Variants in ZNF737 observed in about 807,000 individuals in gnomAD.
ZNF737 encodes zinc finger protein 102 (Y3).
A neutral mutation model predicts 11.7 loss-of-function variants in ZNF737; 13 were observed. That is an observed-to-expected ratio of 1.11 (90% CI 0.73 to 1.77). The LOEUF is 1.77. Among genes scored for constraint, ZNF737 ranks in the 40% most tolerant of loss-of-function variants. ZNF737 has a pLI of 0.00. For missense variants in ZNF737, 636 were observed against 638.0 expected (o/e 1.00, Z 0.03); for synonymous variants, 217 against 216.2 (o/e 1.00, Z -0.03).
chr19:20,535,846 G>A (rs1555753729), downstream of ZNF737: 1 of 126,714 alleles, frequency 7.9e-6, no homozygotes, highest in Non-Finnish European at 1.6e-5. Context: ...CTATTTCTAT[G>A]TAAAGTGTAA....
intron 1 of ZNF737, among the ~76,000 whole-genome samples, chr19:20,561,702 C>G (rs1295327755): frequency 1.3e-5 from 2 of 150,788 alleles, no homozygotes. Context: ...AATTCTGACA[C>G]CACCGAGAGT....
intron 3 of ZNF737, 143 bp downstream of exon 3, chr19:20,552,332 G>GA (rs58829785): frequency 0.063 from 21,176 of 335,658 alleles, 1 homozygote; most frequent in Non-Finnish European, 0.076. Flanking sequence ...ATTTAAAAAA[G>GA]AAAAAAAAAA....
chr19:20,531,810 T>C (rs1967835477), downstream of ZNF737, among the ~76,000 whole-genome samples: 2 of 150,094 alleles, frequency 1.3e-5, no homozygotes, highest in South Asian at 4.3e-4. Context: ...ATACAAAGAT[T>C]GACACATCTA....
intron 3 of ZNF737, among the ~76,000 whole-genome samples, chr19:20,547,914 G>C (rs1409381929): frequency 6.6e-6 from 1 of 152,094 alleles, no homozygotes; most frequent in Non-Finnish European, 1.5e-5. Flanking sequence ...AGTTTGGGAG[G>C]CTGAGGTGGG....
At chr19:20,550,764 G>A (rs1968632134) in intron 3 of ZNF737, among the ~76,000 whole-genome samples, 1 of 152,216 alleles carries the variant, frequency 6.6e-6, no homozygotes, top group Non-Finnish European at 1.5e-5. Context: ...CTCTAAGGGA[G>A]ATTTGAGAGC....
intron 3 of ZNF737, among the ~76,000 whole-genome samples, chr19:20,547,420 A>G (rs1163316367): frequency 6.6e-6 from 1 of 151,814 alleles, no homozygotes; most frequent in Non-Finnish European, 1.5e-5. Flanking sequence ...ACAGTAACAT[A>G]AACAATGTGA....
downstream of ZNF737, among the ~76,000 whole-genome samples, chr19:20,533,353 T>A (rs561054948): frequency 6.7e-6 from 1 of 149,922 alleles, no homozygotes; most frequent in African/African-American, 2.5e-5. Flanking sequence ...TACTTCCACA[T>A]TCAATGTCTT....
At chr19:20,551,092 C>T (rs1204563637) in intron 3 of ZNF737, 5 of 152,278 alleles carry the variant, frequency 3.3e-5, no homozygotes, top group South Asian at 2.1e-4. Context: ...GTTTCGGTTA[C>T]CTGAGCCACA....
At position 20,538,807 on chromosome 19, in the gene ZNF737, C is replaced by T. The variant is rs73924680; in HGVS notation, c.*5785G>A. On this transcript the variant is annotated 3_prime_UTR_variant, in exon 4 of 4. Coordinates refer to ENST00000427401, the MANE Select transcript of ZNF737 (RefSeq NM_001159293.2). Reference sequence around the variant, plus strand: ...GTTATTTGCATAGCTAGATAATTACCAACTTTAGTCATACTATTTTTTAGC... The same window carrying T: ...GTTATTTGCATAGCTAGATAATTACTAACTTTAGTCATACTATTTTTTAGC... 1,803 of 985,238 alleles carry T rather than the reference C, an allele frequency of 1.8e-3. 25 individuals are homozygous for T. In the African/African-American group the frequency reaches 0.03, roughly 16 times the overall value. The allele number at this position is 985,238 out of a possible 1,614,324, so 61.0% of individuals were successfully genotyped here. A position where few individuals can be genotyped will look rare whatever the true frequency, so the allele number is the denominator to read the frequency against.
Position 20,544,553 on chromosome 19 carries a change from A to G in ZNF737, c.*39T>C. ...ATGAATTTTCTTATGTGAAAAAAGCATAGTGGGATAGCTTAAAGCTTTGCC... is the reference window on the plus strand; with the variant it reads ...ATGAATTTTCTTATGTGAAAAAAGCGTAGTGGGATAGCTTAAAGCTTTGCC... On this transcript the variant is annotated 3_prime_UTR_variant, in exon 4 of 4. Coordinates refer to ENST00000427401, the MANE Select transcript of ZNF737 (RefSeq NM_001159293.2). The G allele has an allele frequency of 1.9e-6, 3 of 1,554,920 alleles. No homozygotes were observed. Among genetic ancestry groups the G allele is most frequent in the Non-Finnish European group, 2.6e-6 (3 of 1,156,356 alleles).
At chr19:20,548,676 CA>C (rs1286813546) in intron 3 of ZNF737, among the ~76,000 whole-genome samples, 6 of 151,640 alleles carry the variant, frequency 4.0e-5, no homozygotes, top group Non-Finnish European at 8.8e-5. Flanking sequence ...TGTAGTTGTA[CA>C]ATTTTGACTT....
downstream of ZNF737, among the ~76,000 whole-genome samples, chr19:20,534,097 TC>T (rs1967894336): frequency 6.7e-6 from 1 of 149,826 alleles, no homozygotes; most frequent in East Asian, 2.0e-4. Flanking sequence ...CTGCTTGGAA[TC>T]CCCTAATTGG....
At position 20,545,079 on chromosome 19, in the gene ZNF737, C is replaced by T; in HGVS notation, c.1124G>A (p.Gly375Asp). Residue 375 changes from glycine to aspartate, a missense_variant, in exon 4 of 4, where the codon GGC (glycine) becomes GAC (aspartate). Physicochemically the swap from Gly to Asp is moderately conservative, Grantham distance 94. Coordinates refer to ENST00000427401, the MANE Select transcript of ZNF737 (RefSeq NM_001159293.2). The part of the protein sequence containing the change: ...GEKPYKCEEC[G>D]KAFNWSSHLT... ...GTGTGAGGACCAGTTGAAGGCTTTG[C>T]CACATTCTTCACATTTGTAGGGTTT... 1.2e-6 allele frequency: 2 copies of T among 1,612,596 alleles called. No individual in the cohort carries two copies. Among genetic ancestry groups the T allele is most frequent in the South Asian group, 2.2e-5 (2 of 90,844 alleles).
chr19:20,552,658 ATAT>A (rs1343220089), intron 2 of ZNF737, 88 bp from the exon 3 acceptor site: 22 of 809,444 alleles, frequency 2.7e-5, no homozygotes, highest in East Asian at 3.4e-5. Flanking sequence ...ATGTAATAAA[ATAT>A]TATAGTAAAT....
In ZNF737 at chr19:20,538,025, A is replaced by T. The variant is rs1968048777; in HGVS notation, c.*6567T>A. ...ATAACATTTTATTATCATATGGAAGAAGTGTATTAACCATGTTTTCAGTAA... is the reference window on the plus strand; with the variant it reads ...ATAACATTTTATTATCATATGGAAGTAGTGTATTAACCATGTTTTCAGTAA... On this transcript the variant is annotated 3_prime_UTR_variant, in exon 4 of 4. Transcript: ENST00000427401. The T allele has an allele frequency of 1.0e-6, 1 of 977,618 alleles. No individual in the cohort carries two copies. Among genetic ancestry groups the T allele is most frequent in the Non-Finnish European group, 1.2e-6 (1 of 822,880 alleles). The allele number at this position is 977,618 out of a possible 1,614,324, so 60.6% of individuals were successfully genotyped here.
downstream of ZNF737, among the ~76,000 whole-genome samples, chr19:20,535,296 A>G (rs1286557399): frequency 1.1e-4 from 16 of 152,088 alleles, no homozygotes; most frequent in Non-Finnish European, 1.5e-5. Flanking sequence ...CAAAACAACA[A>G]CAAAATAAAA....
downstream of ZNF737, among the ~76,000 whole-genome samples, chr19:20,533,208 T>C (rs571927199): frequency 2.0e-5 from 3 of 150,166 alleles, no homozygotes; most frequent in African/African-American, 7.4e-5. Context: ...CCTTTGAATA[T>C]ATTAAGTGCA....
chr19:20,561,512 G>A (rs1159078160), intron 1 of ZNF737, among the ~76,000 whole-genome samples: 1 of 151,914 alleles, frequency 6.6e-6, no homozygotes. Context: ...GAGAAGACCT[G>A]GAATCACAGG....
downstream of ZNF737, among the ~76,000 whole-genome samples, chr19:20,531,034 C>T (rs189564180): frequency 0.11 from 16,755 of 146,730 alleles, 1,753 homozygotes; most frequent in Non-Finnish European, 0.13. Context: ...GAGACTAGCC[C>T]GGCCAACACA....
Sources: allele counts gnomAD v4.1 joint callset (sites outside exome capture counted in the v4.1 genomes callset), GRCh38; gene constraint gnomAD v4.1.1; transcripts MANE v1.5; gene names NCBI Gene and HGNC (gene_info 2026-07-23, HGNC 2026-07-21).